Variants in FNBP1L observed in about 807,000 individuals in gnomAD.
FNBP1L encodes formin-binding protein 1-like.
Under a neutral mutation model 91.2 loss-of-function variants are expected in FNBP1L, and 36 were observed. That is an observed-to-expected ratio of 0.39 (90% confidence interval 0.30 to 0.52). The LOEUF (loss-of-function observed/expected upper bound fraction) is 0.52, where lower values mean the gene tolerates loss of function less well. Ranked by LOEUF, FNBP1L falls within the 20% of genes least tolerant of loss-of-function variation. The pLI, the probability that FNBP1L is intolerant of heterozygous loss-of-function variation, is 0.66. For synonymous variants in FNBP1L, 242 were observed against 237.0 expected (o/e 1.02, Z -0.19); for missense variants, 571 against 732.1 (o/e 0.78, Z 2.54).
chr1:93,478,584 C>T (rs1669580211), intron 1 of FNBP1L, among the ~76,000 whole-genome samples: 1 of 151,992 alleles, frequency 6.6e-6, no homozygotes, highest in Non-Finnish European at 1.5e-5. Flanking sequence ...GAGTAGGGGG[C>T]AGCAGTGGCA....
intron 2 of FNBP1L, among the ~76,000 whole-genome samples, chr1:93,501,088 C>T (rs1189072072): frequency 6.6e-6 from 1 of 151,830 alleles, no homozygotes; most frequent in Non-Finnish European, 1.5e-5. Flanking sequence ...AATAAAAATT[C>T]TATTTAAATT....
intron 7 of FNBP1L, 132 bp downstream of exon 7, chr1:93,531,015 A>G: frequency 9.9e-6 from 7 of 707,418 alleles, no homozygotes; most frequent in Non-Finnish European, 1.5e-5. Context: ...TTCCTTTATG[A>G]TTATAGATTT....
intron 1 of FNBP1L, among the ~76,000 whole-genome samples, chr1:93,481,542 CACACTTACAAGCCTCTT>C (rs1403810896): frequency 6.6e-6 from 1 of 152,124 alleles, no homozygotes; most frequent in Admixed American, 6.5e-5. Flanking sequence ...TTTATCAAGT[CACACTTACAAGCCTCTT>C]ACTAATTTAC....
At chr1:93,497,565 GT>G (rs1278330323) in intron 1 of FNBP1L, among the ~76,000 whole-genome samples, 1 of 152,090 alleles carries the variant, frequency 6.6e-6, no homozygotes, top group Non-Finnish European at 1.5e-5. Context: ...TCAACTAGGA[GT>G]TTATAAATAA....
intron 1 of FNBP1L, among the ~76,000 whole-genome samples, chr1:93,448,620 C>T (rs1557768590): frequency 6.6e-6 from 1 of 152,170 alleles, no homozygotes; most frequent in Non-Finnish European, 1.5e-5. Context: ...CCCTCCTCCA[C>T]CTTCACTTTT....
intron 11 of FNBP1L, chr1:93,543,843 A>T (rs1672126207): frequency 4.4e-6 from 1 of 229,230 alleles, no homozygotes; most frequent in Non-Finnish European, 8.7e-6. Flanking sequence ...AGTTATCTGT[A>T]TCTGGGTATG....
chr1:93,480,145 C>T (rs998814933), intron 1 of FNBP1L, among the ~76,000 whole-genome samples: 2 of 152,132 alleles, frequency 1.3e-5, no homozygotes, highest in Non-Finnish European at 2.9e-5. Flanking sequence ...CCTGACTTCC[C>T]ACAACAATCC....
At chr1:93,547,584 T>A in intron 14 of FNBP1L, 143 bp downstream of exon 14, 2 of 660,728 alleles carry the variant, frequency 3.0e-6, no homozygotes, top group Non-Finnish European at 2.6e-6. Flanking sequence ...CTAAGTAATT[T>A]TCTTTAGTGA....
intron 1 of FNBP1L, among the ~76,000 whole-genome samples, chr1:93,449,839 A>C (rs990666294): frequency 6.6e-6 from 1 of 152,210 alleles, no homozygotes; most frequent in Non-Finnish European, 1.5e-5. Flanking sequence ...GCATTCTATA[A>C]TTGATTATAG....
intron 2 of FNBP1L, among the ~76,000 whole-genome samples, chr1:93,508,461 G>T (rs1341977925): frequency 6.6e-6 from 1 of 152,154 alleles, no homozygotes; most frequent in Non-Finnish European, 1.5e-5. Flanking sequence ...CAGGTTGCAG[G>T]GTTGGCTTGA....
At chr1:93,504,969 T>C (rs1313978871) in intron 2 of FNBP1L, among the ~76,000 whole-genome samples, 1 of 152,146 alleles carries the variant, frequency 6.6e-6, no homozygotes, top group East Asian at 1.9e-4. Context: ...TTTTTGCCTT[T>C]TTGTGTCATA....
intron 1 of FNBP1L, among the ~76,000 whole-genome samples, chr1:93,462,214 C>T (rs772246955): frequency 6.6e-6 from 1 of 152,060 alleles, no homozygotes; most frequent in Admixed American, 6.6e-5. Flanking sequence ...TCTTAGTCAC[C>T]TAAATATAAT....
chr1:93,524,510 CTTG>C lies in FNBP1L; in HGVS notation c.405+192_405+194del, dbSNP rs149560075. Among the ~76,000 whole-genome samples, 1,391 of 147,440 alleles carry C rather than the reference CTTG, an allele frequency of 9.4e-3. 20 individuals carry two copies. The highest frequency in any genetic ancestry group is 0.032 in the African/African-American group (1,275 of 39,960). The stretch of plus-strand genomic sequence containing the variant: ...GATGTGAGGTCATTTTGTCATTTTT[CTTG>C]TTGTCCTTTATAACTCTATACTTAA... On this transcript the variant is annotated intron_variant, in intron 5 of 16. Coordinates refer to ENST00000271234, the MANE Select transcript of FNBP1L (RefSeq NM_001164473.3).
chr1:93,553,538 A>T lies in FNBP1L; in HGVS notation c.*1122A>T, dbSNP rs1273677298. The T allele has an allele frequency of 1.3e-5, 2 of 152,650 alleles. No individual in the cohort carries two copies. The highest frequency in any genetic ancestry group is 4.8e-5 in the African/African-American group (2 of 41,472). 9.5% of individuals were successfully genotyped at this position (152,650 alleles called of 1,614,324 possible). On this transcript the variant is annotated 3_prime_UTR_variant, in exon 17 of 17. Transcript: ENST00000271234. Reference sequence around the variant, plus strand: ...CCTCAGTGGTTTTATGAGAAGTTTTATGGGCCTCCCCCAATTGTCTTTTTA... The same window carrying T: ...CCTCAGTGGTTTTATGAGAAGTTTTTTGGGCCTCCCCCAATTGTCTTTTTA...
chr1:93,553,811 GTGT>G lies in FNBP1L; in HGVS notation c.*1399_*1401del, dbSNP rs1415460243. ...ATGTATCTTAACTAATTTCTTAGTG[GTGT>G]TGTAATAGGGAGATGGGGCAGGTGG... On this transcript the variant is annotated 3_prime_UTR_variant, in exon 17 of 17. Coordinates refer to ENST00000271234, the MANE Select transcript of FNBP1L (RefSeq NM_001164473.3). The G allele has an allele frequency of 1.3e-5, 2 of 152,722 alleles. No homozygotes were observed. The highest frequency in any genetic ancestry group is 3.9e-4 in the East Asian group (2 of 5,190). The allele number at this position is 152,722 out of a possible 1,614,324, so 9.5% of individuals were successfully genotyped here.
intron 1 of FNBP1L, among the ~76,000 whole-genome samples, chr1:93,462,243 C>T (rs1668893451): frequency 6.6e-6 from 1 of 152,082 alleles, no homozygotes. Context: ...ATAAATTTGT[C>T]TACAGAGAAT....
chr1:93,454,294 T>C (rs911872349), intron 1 of FNBP1L, among the ~76,000 whole-genome samples: 5 of 152,146 alleles, frequency 3.3e-5, no homozygotes, highest in African/African-American at 1.2e-4. Context: ...GTCTGGCTGA[T>C]TGCTTGATTC....
chr1:93,515,598 A>C (rs1190394705), intron 2 of FNBP1L, among the ~76,000 whole-genome samples: 3 of 152,058 alleles, frequency 2.0e-5, no homozygotes, highest in Non-Finnish European at 4.4e-5. Flanking sequence ...AAAAATGATG[A>C]GTTCATGTCC....
chr1:93,465,853 T>C (rs1669057690), intron 1 of FNBP1L, among the ~76,000 whole-genome samples: 1 of 152,190 alleles, frequency 6.6e-6, no homozygotes, highest in Non-Finnish European at 1.5e-5. Flanking sequence ...CTCCACATCC[T>C]CTCCAGCACC....
Sources: allele counts gnomAD v4.1 joint callset (sites outside exome capture counted in the v4.1 genomes callset), GRCh38; gene constraint gnomAD v4.1.1; transcripts MANE v1.5; gene names NCBI Gene and HGNC (gene_info 2026-07-23, HGNC 2026-07-21).